Variants in TSGA13 observed in about 807,000 individuals in gnomAD.
TSGA13 encodes testis specific 13.
TSGA13 carries 37 observed loss-of-function variants against 35.1 expected under a neutral mutation model. That is an observed-to-expected ratio of 1.05 (90% CI 0.81 to 1.39). The LOEUF (loss-of-function observed/expected upper bound fraction) is 1.39, where lower values mean the gene tolerates loss of function less well. Ranked by LOEUF, TSGA13 falls within the 40% of genes most tolerant of loss-of-function variation. TSGA13 has a pLI of 0.00. For synonymous variants in TSGA13, 124 were observed against 121.2 expected (o/e 1.02, Z -0.15); for missense variants, 338 against 328.5 (o/e 1.03, Z -0.22).
rs1796533166 is a variant in TSGA13 at position 130,681,009 on chromosome 7, A to C, written c.111T>G (p.Asp37Glu). The C allele has an allele frequency of 6.2e-6, 10 of 1,614,126 alleles. No individual in the cohort carries two copies. In the Admixed American group the frequency reaches 8.3e-5, roughly 13 times the overall value. ...GAACAAATTTTGATTGCCCGACTGC[A>C]TCAGAAATCTAAAGAGGATAATCAA... is the stretch of plus-strand genomic sequence containing the variant. ...GMVVNSKEISDAVGQSKFVLE... is the reference protein window; with the variant it reads ...GMVVNSKEISEAVGQSKFVLE... Residue 37 changes from aspartate to glutamate, a missense_variant, in exon 4 of 8, where the codon GAT becomes GAG. Asp to Glu is a conservative substitution (Grantham distance 45). Coordinates refer to ENST00000356588, the MANE Select transcript of TSGA13 (RefSeq NM_052933.4).
intron 5 of TSGA13, among the ~76,000 whole-genome samples, chr7:130,674,899 T>G (rs1796373969): frequency 6.6e-6 from 1 of 152,194 alleles, no homozygotes; most frequent in African/African-American, 2.4e-5. Context: ...AAAACTGCAC[T>G]TACTTTTGTG....
In TSGA13 at chr7:130,677,486, G is replaced by A. The variant is rs138637635; in HGVS notation, c.387+1669C>T. ...GTCGCCCATGCTGGAATGCAGTAGC[G>A]CTATCTTGGCTCACTGCAACCTCCA... On this transcript the variant is annotated intron_variant, in intron 5 of 7. Coordinates refer to ENST00000356588, the MANE Select transcript of TSGA13 (RefSeq NM_052933.4). 4.5e-3 allele frequency among the ~76,000 whole-genome samples: 678 copies of A among 151,440 alleles called. 4 individuals carry two copies. The highest frequency in any genetic ancestry group is 0.014 in the African/African-American group (596 of 41,234).
intron 5 of TSGA13, among the ~76,000 whole-genome samples, chr7:130,675,381 T>TTGTG (rs1554464003): frequency 9.9e-6 from 1 of 101,340 alleles, no homozygotes; most frequent in African/African-American, 4.0e-5. Flanking sequence ...AGTCTTTTTT[T>TTGTG]GGGGGGGGTG....
chr7:130,684,955 G>A (rs1381474739), intron 2 of TSGA13, among the ~76,000 whole-genome samples: 4 of 152,168 alleles, frequency 2.6e-5, no homozygotes, highest in Admixed American at 6.5e-5. Context: ...TATGAAAAGC[G>A]CTTCTTTAGC....
intron 5 of TSGA13, among the ~76,000 whole-genome samples, chr7:130,675,443 G>A (rs1255877224): frequency 1.3e-5 from 2 of 152,000 alleles, no homozygotes; most frequent in Non-Finnish European, 2.9e-5. Flanking sequence ...GACTGCAGTG[G>A]CACAGTCTCC....
intron 7 of TSGA13, among the ~76,000 whole-genome samples, chr7:130,670,221 G>GGGATA (rs1329040224): frequency 1.3e-5 from 2 of 152,220 alleles, no homozygotes; most frequent in African/African-American, 4.8e-5. Context: ...GGGATGGGAT[G>GGGATA]TGGTGGCAGA....
chr7:130,674,068 T>C (rs1554463770), intron 5 of TSGA13, among the ~76,000 whole-genome samples: 1 of 151,392 alleles, frequency 6.6e-6, no homozygotes, highest in African/African-American at 2.4e-5. Flanking sequence ...GCATTCCAGC[T>C]TGGGCAACAG....
intron 5 of TSGA13, among the ~76,000 whole-genome samples, chr7:130,674,099 AAACAACAAC>A (rs553378494): frequency 6.6e-6 from 1 of 151,842 alleles, no homozygotes; most frequent in Non-Finnish European, 1.5e-5. Flanking sequence ...CATCTCAGTA[AAACAACAAC>A]AACAACAAAA....
chr7:130,668,723 C>T lies in TSGA13; in HGVS notation c.*291G>A, dbSNP rs1488058933. The T allele has an allele frequency of 1.3e-6, 2 of 1,501,622 alleles. No homozygotes were observed. Among genetic ancestry groups the T allele is most frequent in the Non-Finnish European group, 1.8e-6 (2 of 1,123,764 alleles). 93.0% of individuals were successfully genotyped at this position (1,501,622 alleles called of 1,614,324 possible). On this transcript the variant is annotated 3_prime_UTR_variant, in exon 8 of 8. Coordinates refer to ENST00000356588, the MANE Select transcript of TSGA13 (RefSeq NM_052933.4). ...CCGCAACCGTCCCAGGCGCCGCAGC[C>T]GGCGAGCGGAAGAGGCTGCAGGAAG...
chr7:130,685,073 A>G, intron 2 of TSGA13, 115 bp downstream of exon 2: 1 of 1,070,820 alleles, frequency 9.3e-7, no homozygotes, highest in Non-Finnish European at 1.4e-6. Flanking sequence ...GTCAATTAAA[A>G]TATGTTTAAT....
intron 3 of TSGA13, among the ~76,000 whole-genome samples, chr7:130,682,596 T>G (rs536660440): frequency 4.6e-5 from 7 of 152,174 alleles, no homozygotes; most frequent in South Asian, 4.2e-4. Context: ...GGCAGTATGG[T>G]AAGGTGGGTG....
Position 130,668,794 on chromosome 7 carries a change from C to T in TSGA13, c.*220G>A, listed in dbSNP as rs1459343804. On this transcript the variant is annotated 3_prime_UTR_variant, in exon 8 of 8. Transcript: ENST00000356588. Reference sequence around the variant, plus strand: ...CCGGTTGGGCCGCCGCGCCTTCACTCGGGGCCAAGGCCCGCCCTCCCCGGC... The same window carrying T: ...CCGGTTGGGCCGCCGCGCCTTCACTTGGGGCCAAGGCCCGCCCTCCCCGGC... 1.5e-6 allele frequency: 2 copies of T among 1,315,618 alleles called. No homozygotes were observed. Among genetic ancestry groups the T allele is most frequent in the African/African-American group, 1.5e-5 (1 of 65,284 alleles). 81.5% of individuals were successfully genotyped at this position (1,315,618 alleles called of 1,614,324 possible).
At position 130,668,807 on chromosome 7, in the gene TSGA13, C is replaced by A. The variant is rs556569361; in HGVS notation, c.*207G>T. The A allele has an allele frequency of 7.9e-7, 1 of 1,267,102 alleles. No homozygotes were observed. Among genetic ancestry groups the A allele is most frequent in the East Asian group, 2.9e-5 (1 of 34,612 alleles). The allele number at this position is 1,267,102 out of a possible 1,614,324, so 78.5% of individuals were successfully genotyped here. A position where few individuals can be genotyped will look rare whatever the true frequency, so the allele number is the denominator to read the frequency against. The stretch of plus-strand genomic sequence containing the variant: ...CGCGCCTTCACTCGGGGCCAAGGCC[C>A]GCCCTCCCCGGCCGCCCTCGGCCCC... On this transcript the variant is annotated 3_prime_UTR_variant, in exon 8 of 8. Transcript: ENST00000356588.
intron 3 of TSGA13, among the ~76,000 whole-genome samples, chr7:130,682,545 G>A (rs1479623185): frequency 5.9e-5 from 9 of 152,134 alleles, no homozygotes; most frequent in Non-Finnish European, 1.3e-4. Flanking sequence ...GCCCAGCCTG[G>A]CTCAGCATTT....
At chr7:130,672,678 C>G (rs2288080) in intron 6 of TSGA13, 56 bp downstream of exon 6, 1 of 1,582,372 alleles carries the variant, frequency 6.3e-7, no homozygotes, top group African/African-American at 1.4e-5. Context: ...GAACCAGAAA[C>G]GTGAATAGGG....
chr7:130,672,014 C>T (rs1391127671), intron 6 of TSGA13, among the ~76,000 whole-genome samples: 1 of 152,010 alleles, frequency 6.6e-6, no homozygotes, highest in South Asian at 2.1e-4. Context: ...CCTCAGCCTC[C>T]CAAGTAGCTG....
At position 130,670,397 on chromosome 7, in the gene TSGA13, T is replaced by C. The variant is rs185762734; in HGVS notation, c.659-1214A>G. ...ACAGGCAAGGATACCTTAGGGAGTCTCAGGAATTGTTTGAGGAGAGAAACC... is the reference window on the plus strand; with the variant it reads ...ACAGGCAAGGATACCTTAGGGAGTCCCAGGAATTGTTTGAGGAGAGAAACC... On this transcript the variant is annotated intron_variant, in intron 7 of 7. Transcript: ENST00000356588. Among the ~76,000 whole-genome samples the C allele has an allele frequency of 1.9e-3, 282 of 152,200 alleles. 1 individual carries two copies. Among genetic ancestry groups the C allele is most frequent in the African/African-American group, 6.5e-3 (270 of 41,538 alleles).
intron 6 of TSGA13, 118 bp downstream of exon 6, chr7:130,672,616 G>C (rs551684131): frequency 1.5e-6 from 2 of 1,363,822 alleles, no homozygotes; most frequent in Non-Finnish European, 2.0e-6. Flanking sequence ...GGAAAGTCGT[G>C]TCTTACTATC....
intron 2 of TSGA13, among the ~76,000 whole-genome samples, chr7:130,684,679 A>G (rs569029675): frequency 3.9e-5 from 6 of 152,260 alleles, no homozygotes; most frequent in East Asian, 1.9e-4. Flanking sequence ...GCTACCTTCC[A>G]TCTGTTGCTG....
Sources: allele counts gnomAD v4.1 joint callset (sites outside exome capture counted in the v4.1 genomes callset), GRCh38; gene constraint gnomAD v4.1.1; transcripts MANE v1.5; gene names NCBI Gene and HGNC (gene_info 2026-07-23, HGNC 2026-07-21).